ZAR1: variants seen among roughly 807,000 people sequenced by gnomAD.
ZAR1 encodes zygote arrest 1.
In ZAR1, 37 loss-of-function variants were observed where a neutral mutation model predicts 38.3. The observed-to-expected ratio is 0.97, with a 90% confidence interval of 0.74 to 1.27. The LOEUF is 1.27. ZAR1 is among the 50% of genes most tolerant of loss of function. The pLI, the probability that ZAR1 is intolerant of heterozygous loss-of-function variation, is 0.00. For missense variants in ZAR1, 651 were observed against 632.4 expected, an observed-to-expected ratio of 1.03 and a Z score of -0.32; for synonymous variants, 336 against 292.0, an observed-to-expected ratio of 1.15 and a Z score of -1.53.
chr4:48,495,619 G>T (rs1718567937), downstream of ZAR1, among the ~76,000 whole-genome samples: 1 of 152,216 alleles, frequency 6.6e-6, no homozygotes, highest in Non-Finnish European at 1.5e-5. Context: ...CCAGTAGAGT[G>T]GGCAGATGGC....
At chr4:48,492,160 A>C (rs565062046) in intron 1 of ZAR1, among the ~76,000 whole-genome samples, 168 of 152,334 alleles carry the variant, frequency 1.1e-3, no homozygotes, top group Non-Finnish European at 1.9e-3. Flanking sequence ...GAGCAGACTG[A>C]ATTAAGTGCT....
At chr4:48,493,068 T>C (rs1718490625) in intron 3 of ZAR1, 56 bp downstream of exon 3, 3 of 1,559,510 alleles carry the variant, frequency 1.9e-6, no homozygotes, top group Admixed American at 1.7e-5. Context: ...GGGTTTTTAG[T>C]ATAGTTTGAG....
intron 1 of ZAR1, among the ~76,000 whole-genome samples, chr4:48,492,468 A>G (rs553192477): frequency 6.6e-6 from 1 of 152,282 alleles, no homozygotes; most frequent in East Asian, 1.9e-4. Context: ...AGGCCTTCCT[A>G]CAGAATCCCA....
Position 48,491,048 on chromosome 4 carries a change from TG to T in ZAR1, c.760del (p.Glu254SerfsTer25). On this transcript the variant is annotated frameshift_variant, in exon 1 of 4. Coordinates refer to ENST00000327939, the MANE Select transcript of ZAR1 (RefSeq NM_175619.3). LOFTEE classifies it high-confidence loss of function. ...GEAQAAVRAS[W>X]EQPADGPELP... ...GGCCCAGGCCGCAGTCCGAGCGAGC[TG>T]GGAGCAGCCGGCCGACGGTCCCGAG... 1 of 1,339,962 alleles carries T rather than the reference TG, an allele frequency of 7.5e-7. No homozygotes were observed. Among genetic ancestry groups the T allele is most frequent in the Non-Finnish European group, 9.5e-7 (1 of 1,051,312 alleles). 83.0% of individuals were successfully genotyped at this position (1,339,962 alleles called of 1,614,324 possible).
Position 48,491,132 on chromosome 4 carries a change from C to T in ZAR1, c.841C>T (p.Pro281Ser). ...EAAPRSALRS[P>S]GQPPSAGRAR... Reference sequence around the variant, plus strand: ...GGCTCCGCGGTCGGCGCTAAGGAGCCCGGGGCAACCTCCGTCGGCGGGGAG... The same window carrying T: ...GGCTCCGCGGTCGGCGCTAAGGAGCTCGGGGCAACCTCCGTCGGCGGGGAG... Residue 281 changes from proline (P) to serine (S), a missense_variant, in exon 1 of 4, where the codon CCG becomes TCG. Around this residue, in one of 2 missense-constraint regions of ZAR1, gnomAD observed 522 missense variants for 459.9 expected, o/e 1.14. Coordinates refer to ENST00000327939, the MANE Select transcript of ZAR1 (RefSeq NM_175619.3). 8.0e-7 allele frequency: 1 copy of T among 1,244,380 alleles called. No individual in the cohort carries two copies. The highest frequency in any genetic ancestry group is 1.0e-6 in the Non-Finnish European group (1 of 995,874). The allele number at this position is 1,244,380 out of a possible 1,614,324, so 77.1% of individuals were successfully genotyped here.
chr4:48,493,924 T>C (rs192373797), intron 3 of ZAR1, among the ~76,000 whole-genome samples, 177 bp from the exon 4 acceptor site: 22 of 152,350 alleles, frequency 1.4e-4, no homozygotes, highest in African/African-American at 4.6e-4. Context: ...AAACACCCAC[T>C]ATTCCTAGCC....
downstream of ZAR1, among the ~76,000 whole-genome samples, chr4:48,495,136 C>T (rs1718550679): frequency 6.6e-6 from 1 of 152,114 alleles, no homozygotes; most frequent in Admixed American, 6.6e-5. Flanking sequence ...GGATGCCAGA[C>T]TCTAACTGCG....
intron 3 of ZAR1, among the ~76,000 whole-genome samples, chr4:48,493,865 A>G (rs1249102432): frequency 1.3e-5 from 2 of 152,226 alleles, no homozygotes; most frequent in East Asian, 3.8e-4. Flanking sequence ...AAGAAATTTC[A>G]CAATTCATAA....
chr4:48,495,567 C>T (rs1232830241), downstream of ZAR1, among the ~76,000 whole-genome samples: 1 of 152,206 alleles, frequency 6.6e-6, no homozygotes, highest in Non-Finnish European at 1.5e-5. Context: ...GAAGCATGAG[C>T]ACCTGTGCTC....
downstream of ZAR1, among the ~76,000 whole-genome samples, chr4:48,494,990 T>C (rs1269761539): frequency 1.3e-5 from 2 of 152,184 alleles, no homozygotes; most frequent in Non-Finnish European, 2.9e-5. Context: ...GAATAACCTA[T>C]CAAGTAGACT....
chr4:48,497,283 G>C (rs1032402038), downstream of ZAR1: 8 of 152,194 alleles, frequency 5.3e-5, no homozygotes, highest in Admixed American at 5.2e-4. Context: ...GGATTCAGAG[G>C]CTGAGGAGCA....
In ZAR1 at chr4:48,491,216, C is replaced by T. The variant is rs2148673882; in HGVS notation, c.925C>T (p.Arg309Trp). Residue 309 changes from arginine to tryptophan, a missense_variant, in exon 1 of 4, where the codon CGG (arginine) becomes TGG (tryptophan). By Grantham distance (101) the Arg-to-Trp change is moderately radical. Transcript: ENST00000327939. ...AAVAGEGPSP[R>W]SPELGKERLR... ...CGTCGCGGGAGAGGGGCCGTCGCCA[C>T]GGAGCCCGGAGCTGGGCAAGGAGCG... is the stretch of plus-strand genomic sequence containing the variant. 1.6e-6 allele frequency: 2 copies of T among 1,233,678 alleles called. No homozygotes were observed. Among genetic ancestry groups the T allele is most frequent in the East Asian group, 6.4e-5 (2 of 31,436 alleles). 76.4% of individuals were successfully genotyped at this position (1,233,678 alleles called of 1,614,324 possible).
chr4:48,494,066 T>A, intron 3 of ZAR1, 35 bp from the exon 4 acceptor site: 1 of 1,602,602 alleles, frequency 6.2e-7, no homozygotes, highest in Non-Finnish European at 8.5e-7. Context: ...TAAGGGTTTA[T>A]CTTCTGCATG....
At chr4:48,493,876 T>C (rs574313769) in intron 3 of ZAR1, among the ~76,000 whole-genome samples, 1 of 152,320 alleles carries the variant, frequency 6.6e-6, no homozygotes, top group South Asian at 2.1e-4. Flanking sequence ...CAATTCATAA[T>C]TGGATCTGAT....
At chr4:48,492,880 G>C in intron 2 of ZAR1, 22 bp downstream of exon 2, 1 of 1,613,800 alleles carries the variant, frequency 6.2e-7, no homozygotes, top group African/African-American at 1.3e-5. Context: ...CAGGTAACTG[G>C]CATCTTCTTG....
At position 48,494,085 on chromosome 4, in the gene ZAR1, T is replaced by C. The variant is rs749026042; in HGVS notation, c.1132-16T>C. 1.9e-6 allele frequency: 3 copies of C among 1,608,850 alleles called. No individual in the cohort carries two copies. The highest frequency in any genetic ancestry group is 1.7e-5 in the Admixed American group (1 of 59,578). The stretch of plus-strand genomic sequence containing the variant: ...GGTTTATCTTCTGCATGCCCTTCTG[T>C]ATTTTTTTCCCCCAGAGTTGTAAAC... On this transcript the variant is annotated splice_polypyrimidine_tract_variant and intron_variant, in intron 3 of 3. Coordinates refer to ENST00000327939, the MANE Select transcript of ZAR1 (RefSeq NM_175619.3).
Position 48,491,133 on chromosome 4 carries a change from C to T in ZAR1, c.842C>T (p.Pro281Leu), listed in dbSNP as rs777575691. The change falls in exon 1 of 4, where the codon CCG becomes CTG. Residue 281 changes from proline (P) to leucine (L), a missense_variant. By Grantham distance (98) the Pro-to-Leu change is moderately conservative. Coordinates refer to ENST00000327939, the MANE Select transcript of ZAR1 (RefSeq NM_175619.3). The stretch of plus-strand genomic sequence containing the variant: ...GCTCCGCGGTCGGCGCTAAGGAGCC[C>T]GGGGCAACCTCCGTCGGCGGGGAGG... ...EAAPRSALRS[P>L]GQPPSAGRAR... The T allele has an allele frequency of 2.7e-4, 337 of 1,243,990 alleles. 1 individual carries two copies. The highest frequency in any genetic ancestry group is 3.2e-4 in the Non-Finnish European group (315 of 995,676). 77.1% of individuals were successfully genotyped at this position (1,243,990 alleles called of 1,614,324 possible).
intron 1 of ZAR1, among the ~76,000 whole-genome samples, chr4:48,491,638 C>T (rs1030516054): frequency 6.6e-6 from 1 of 152,242 alleles, no homozygotes; most frequent in Admixed American, 6.5e-5. Context: ...AGTCGATTCC[C>T]AAGGATCCCT....
At position 48,494,285 on chromosome 4, in the gene ZAR1, CG is replaced by C. The variant is rs1560483588; in HGVS notation, c.*42del. 2.5e-6 allele frequency: 4 copies of C among 1,603,144 alleles called. No individual in the cohort carries two copies. In the East Asian group the frequency reaches 6.7e-5, roughly 27 times the overall value. On this transcript the variant is annotated 3_prime_UTR_variant, in exon 4 of 4. Coordinates refer to ENST00000327939, the MANE Select transcript of ZAR1 (RefSeq NM_175619.3). ...GCTGTGCATGCGCTGATGGAGTAGACGAGTGAGCTTTTCCGTGCCTCTCCTC... is the reference window on the plus strand; with the variant it reads ...GCTGTGCATGCGCTGATGGAGTAGACAGTGAGCTTTTCCGTGCCTCTCCTC...
Sources: gnomAD v4.1 joint callset for allele counts (sites outside exome capture counted in the v4.1 genomes callset) on GRCh38, gnomAD v4.1.1 for gene constraint, gnomAD v4.1.1 regional missense constraint, MANE v1.5 for transcripts, NCBI Gene and HGNC (gene_info 2026-07-23, HGNC 2026-07-21) for gene names.